Variants in UNC79 observed in about 807,000 individuals in gnomAD.
UNC79 encodes the protein unc-79 subunit of NALCN channel complex.
Under a neutral mutation model 283.1 loss-of-function variants are expected in UNC79, and 37 were observed. The ratio of observed to expected loss-of-function variants is 0.13; its 90% CI spans 0.10 to 0.17. The LOEUF is 0.17. Among genes scored for constraint, UNC79 ranks in the 10% least tolerant of loss-of-function variants. The pLI is 1.00. For missense variants in UNC79, 2,272 were observed against 3,211.1 expected (o/e 0.71, Z 7.07); for synonymous variants, 1,107 against 1,200.2 (o/e 0.92, Z 1.61).
intron 39 of UNC79, 57 bp from the exon 43 acceptor site, chr14:93,662,546 CT>C (rs2071711281): frequency 1.5e-5 from 18 of 1,199,518 alleles, no homozygotes; most frequent in Middle Eastern, 2.0e-4. Context: ...GATTTTAATA[CT>C]TTTTTTGAAA....
chr14:93,622,059 A>T, exon 30 of UNC79: 1 of 1,614,084 alleles, frequency 6.2e-7, no homozygotes, highest in Non-Finnish European at 8.5e-7. Flanking sequence ...GATCTGATAG[A>T]TCTATCCTCA....
chr14:93,500,124 G>T (rs746420721), intron 7 of UNC79, among the ~76,000 whole-genome samples: 1 of 152,116 alleles, frequency 6.6e-6, no homozygotes, highest in Admixed American at 6.6e-5. Flanking sequence ...CCTGTTCAGA[G>T]CATCTCAAAA....
At chr14:93,354,610 A>C (rs1392571401) in intron 1 of UNC79, among the ~76,000 whole-genome samples, 1 of 152,026 alleles carries the variant, frequency 6.6e-6, no homozygotes, top group African/African-American at 2.4e-5. Context: ...TGATCCTCCC[A>C]CCTCAGTCCC....
Position 93,536,067 on chromosome 14 carries a change from T to G in UNC79, c.1123-1922T>G, listed in dbSNP as rs1289929675. ...GGCTTGGCTCCTTAAGTATTCTTCC[T>G]TTTGCTTTGAATACTTGTGAATGAA... On this transcript the variant is annotated intron_variant, in intron 11 of 48. Transcript: ENST00000555664. Among the ~76,000 whole-genome samples, 3 of 152,312 alleles carry G rather than the reference T, an allele frequency of 2.0e-5. No individual in the cohort carries two copies. The South Asian group carries it at 6.2e-4, about 32-fold the overall frequency.
rs530333087 is a variant in UNC79, at chr14:93,614,921, G to A, written c.4041+1838G>A. ...TCAGCCAATGTGAGAATTCCTTAGG[G>A]AGATGGATCCAGAAGAACTGCTGGG... is the stretch of plus-strand genomic sequence containing the variant. On this transcript the variant is annotated intron_variant, in intron 27 of 48. Transcript: ENST00000555664. Among the ~76,000 whole-genome samples the A allele has an allele frequency of 3.9e-5, 6 of 152,278 alleles. No homozygotes were observed. In the East Asian group the frequency reaches 9.7e-4, roughly 25 times the overall value.
chr14:93,687,314 T>C (rs553076386), intron 43 of UNC79, among the ~76,000 whole-genome samples: 39 of 152,302 alleles, frequency 2.6e-4, no homozygotes, highest in African/African-American at 8.9e-4. Flanking sequence ...CCCAGTGAAA[T>C]TGTTGAGATT....
At chr14:93,486,069 T>C (rs1164831902) in intron 4 of UNC79, among the ~76,000 whole-genome samples, 1 of 152,218 alleles carries the variant, frequency 6.6e-6, no homozygotes, top group African/African-American at 2.4e-5. Flanking sequence ...TATTGTACTT[T>C]AATATAAAAT....
rs2066837748 is a variant in UNC79, at chr14:93,617,820, G to T, written c.4225-372G>T. Among the ~76,000 whole-genome samples the T allele has an allele frequency of 6.6e-6, 1 of 152,030 alleles. No homozygotes were observed. Among genetic ancestry groups the T allele is most frequent in the South Asian group, 2.1e-4 (1 of 4,816 alleles). On this transcript the variant is annotated intron_variant, in intron 28 of 48. Transcript: ENST00000555664. The surrounding 1 kb of genome is among the most constrained non-coding windows in gnomAD (Gnocchi z 4.5). ...ACTTATGGGAGGCCGAGGTGGGTAG[G>T]TTGCCTGACTCCGGGAGTTCGAGCC...
chr14:93,335,841 C>CA lies in UNC79; in HGVS notation c.-351+2319dup, dbSNP rs1434179667. The stretch of plus-strand genomic sequence containing the variant: ...CCCTGGTCTTTTCATTTTTAGAAGC[C>CA]ATTAAGTTGCCCTAACACCTCTTTT... On this transcript the variant is annotated intron_variant, in intron 1 of 49. Coordinates refer to the UNC79 transcript ENST00000256339. 3.9e-5 allele frequency among the ~76,000 whole-genome samples: 6 copies of CA among 152,296 alleles called. 1 individual carries two copies. Among genetic ancestry groups the CA allele is most frequent in the African/African-American group, 1.4e-4 (6 of 41,562 alleles).
intron 26 of UNC79, among the ~76,000 whole-genome samples, chr14:93,603,939 A>G (rs866042478): frequency 1.3e-5 from 2 of 152,214 alleles, no homozygotes; most frequent in African/African-American, 4.8e-5. Flanking sequence ...ATTTCTGCTC[A>G]TCTTCACCAG....
At chr14:93,434,049 A>G (rs1038172193) in intron 1 of UNC79, among the ~76,000 whole-genome samples, 2 of 152,074 alleles carry the variant, frequency 1.3e-5, no homozygotes. Flanking sequence ...CCCCATCTCT[A>G]CTAAAAATAC....
At chr14:93,643,245 G>C (rs566848040) in intron 33 of UNC79, among the ~76,000 whole-genome samples, 2 of 152,272 alleles carry the variant, frequency 1.3e-5, no homozygotes, top group East Asian at 3.9e-4. Flanking sequence ...TCATCCACAG[G>C]CTTCAAACTG....
At chr14:93,489,587 A>G (rs759576067) in intron 5 of UNC79, among the ~76,000 whole-genome samples, 1 of 152,230 alleles carries the variant, frequency 6.6e-6, no homozygotes, top group Non-Finnish European at 1.5e-5. Context: ...ACCCAACTAC[A>G]TTATACCTTA....
chr14:93,395,810 C>A (rs75409241), intron 1 of UNC79, among the ~76,000 whole-genome samples: 1,700 of 151,618 alleles, frequency 0.011, 34 homozygotes, highest in African/African-American at 0.039. Context: ...TGGTTTGTTT[C>A]TTTTTTTTGG....
chr14:93,548,744 C>T (rs2061727679), intron 14 of UNC79, among the ~76,000 whole-genome samples: 2 of 152,188 alleles, frequency 1.3e-5, no homozygotes, highest in African/African-American at 4.8e-5. Flanking sequence ...GAAAGAATTG[C>T]TCTTTTTCCT....
chr14:93,333,602 C>G (rs933238214), intron 1 of UNC79: 7 of 394,094 alleles, frequency 1.8e-5, no homozygotes, highest in African/African-American at 1.4e-4. Flanking sequence ...ATCTTTAAGA[C>G]ACTGAAAAGT....
At chr14:93,493,689 T>G (rs954144763) in intron 5 of UNC79, among the ~76,000 whole-genome samples, 1 of 151,712 alleles carries the variant, frequency 6.6e-6, no homozygotes, top group African/African-American at 2.4e-5. Context: ...AAGAAATACC[T>G]GAGACTGGGT....
At position 93,622,365 on chromosome 14, in the gene UNC79, ACT is replaced by A; in HGVS notation, c.5135_5136del (p.Ser1712CysfsTer27). Reference sequence around the variant, plus strand: ...AATAATCAGTCAGCAGGGAACACTGACTCTGCCCTCATCACTCTGGAAGACCC... The same window carrying A: ...AATAATCAGTCAGCAGGGAACACTGACTGCCCTCATCACTCTGGAAGACCC... On this transcript the variant is annotated frameshift_variant, in exon 30 of 49. Coordinates refer to ENST00000555664, the Ensembl canonical transcript of UNC79. LOFTEE classifies it high-confidence loss of function. The A allele has an allele frequency of 6.2e-7, 1 of 1,614,016 alleles. No individual in the cohort carries two copies. The highest frequency in any genetic ancestry group is 1.3e-5 in the African/African-American group (1 of 74,986).
At chr14:93,543,402 C>G (rs1458597628) in intron 14 of UNC79, among the ~76,000 whole-genome samples, 2 of 147,056 alleles carry the variant, frequency 1.4e-5, no homozygotes, top group Admixed American at 1.4e-4. Context: ...TTTTTTGAGA[C>G]AGGGTCTCAC....
Sources: gnomAD v4.1 joint callset for allele counts (sites outside exome capture counted in the v4.1 genomes callset) on GRCh38, gnomAD v4.1.1 for gene constraint, Gnocchi (gnomAD v3.1) non-coding constraint, MANE v1.5 for transcripts, NCBI Gene and HGNC (gene_info 2026-07-23, HGNC 2026-07-21) for gene names.